Variants in DLG2 observed in about 807,000 individuals in gnomAD.
DLG2 encodes disks large homolog 2.
DLG2 carries 45 observed loss-of-function variants against 132.5 expected under a neutral mutation model. The ratio of observed to expected loss-of-function variants is 0.34; its 90% CI spans 0.27 to 0.44. DLG2 has a LOEUF of 0.44. Among genes scored for constraint, DLG2 ranks in the 20% least tolerant of loss-of-function variants. The pLI is 1.00. For missense variants in DLG2, 1,045 were observed against 1,196.9 expected (o/e 0.87, Z 1.87); for synonymous variants, 424 against 419.6 (o/e 1.01, Z -0.13).
intron 3 of DLG2, among the ~76,000 whole-genome samples, chr11:85,504,054 G>T (rs1158902863): frequency 6.6e-6 from 1 of 152,100 alleles, no homozygotes; most frequent in African/African-American, 2.4e-5. Context: ...TTTTTGAGGG[G>T]GATGTTTGAT....
intron 6 of DLG2, among the ~76,000 whole-genome samples, chr11:85,094,777 A>G (rs1158355508): frequency 2.6e-5 from 4 of 152,214 alleles, no homozygotes; most frequent in African/African-American, 4.8e-5. Context: ...TGCTTACTGG[A>G]GTAGCACTAT....
chr11:84,080,918 C>G (rs575473944), intron 10 of DLG2, among the ~76,000 whole-genome samples: 1 of 150,398 alleles, frequency 6.6e-6, no homozygotes, highest in Non-Finnish European at 1.5e-5. Context: ...CTTGAACCCA[C>G]GAGGCAGAGG....
At chr11:85,568,265 T>G (rs1449195181) in intron 3 of DLG2, among the ~76,000 whole-genome samples, 1 of 152,134 alleles carries the variant, frequency 6.6e-6, no homozygotes, top group Non-Finnish European at 1.5e-5. Context: ...TCCAACCACC[T>G]CAGCCTTCCA....
chr11:83,822,062 G>GA (rs925151487), intron 17 of DLG2, among the ~76,000 whole-genome samples: 16 of 152,058 alleles, frequency 1.1e-4, no homozygotes, highest in African/African-American at 3.9e-4. Context: ...TGTGAAAGAT[G>GA]AAAAAAATAC....
chr11:85,138,561 T>G (rs146314469), intron 5 of DLG2, among the ~76,000 whole-genome samples: 329 of 152,242 alleles, frequency 2.2e-3, no homozygotes, highest in Non-Finnish European at 3.9e-3. Flanking sequence ...TTTGGTTGTG[T>G]CCCCACCCAA....
intron 3 of DLG2, among the ~76,000 whole-genome samples, chr11:85,333,273 T>A (rs1347006904): frequency 6.6e-6 from 1 of 152,200 alleles, no homozygotes; most frequent in African/African-American, 2.4e-5. Context: ...ATGCTACTAA[T>A]TCCTGTACAT....
intron 6 of DLG2, among the ~76,000 whole-genome samples, chr11:84,819,925 G>A (rs1235487979): frequency 6.6e-6 from 1 of 151,570 alleles, no homozygotes; most frequent in Admixed American, 6.6e-5. Context: ...GTCTGGGTAA[G>A]TGTCCACATA....
chr11:83,881,294 A>C (rs2066198252), intron 15 of DLG2, among the ~76,000 whole-genome samples: 1 of 152,150 alleles, frequency 6.6e-6, no homozygotes, highest in Non-Finnish European at 1.5e-5. Context: ...TGTGACCTCA[A>C]ATGATTAAAA....
At chr11:85,241,656 C>G (rs2075885844) in intron 4 of DLG2, among the ~76,000 whole-genome samples, 1 of 151,878 alleles carries the variant, frequency 6.6e-6, no homozygotes, top group Non-Finnish European at 1.5e-5. Flanking sequence ...AGTCACATGA[C>G]TAAGATATTA....
At chr11:84,327,631 T>A (rs974470608) in intron 7 of DLG2, among the ~76,000 whole-genome samples, 7 of 152,182 alleles carry the variant, frequency 4.6e-5, no homozygotes, top group Non-Finnish European at 7.4e-5. Context: ...ACATAAGACA[T>A]CTTGCAGTTA....
chr11:85,264,841 G>A (rs1050775597), intron 4 of DLG2, among the ~76,000 whole-genome samples: 6 of 152,158 alleles, frequency 3.9e-5, no homozygotes, highest in South Asian at 4.1e-4. Context: ...TACTGACATT[G>A]AACTTCTGTT....
chr11:84,160,769 TA>T (rs2095529134), intron 9 of DLG2, among the ~76,000 whole-genome samples: 1 of 152,106 alleles, frequency 6.6e-6, no homozygotes, highest in African/African-American at 2.4e-5. Context: ...AGGTAACAAG[TA>T]AAAAGTTGGT....
At chr11:85,439,892 TA>T (rs2091691351) in intron 3 of DLG2, among the ~76,000 whole-genome samples, 1 of 152,140 alleles carries the variant, frequency 6.6e-6, no homozygotes, top group South Asian at 2.1e-4. Context: ...GAAGAGAATA[TA>T]AAGTATAGAT....
intron 3 of DLG2, among the ~76,000 whole-genome samples, chr11:85,493,438 T>C (rs1169754377): frequency 2.6e-5 from 4 of 152,168 alleles, no homozygotes; most frequent in Non-Finnish European, 5.9e-5. Flanking sequence ...TTTGACCTCA[T>C]CCAAAATAAC....
intron 8 of DLG2, among the ~76,000 whole-genome samples, chr11:84,224,101 T>C (rs1280243037): frequency 6.6e-6 from 1 of 152,200 alleles, no homozygotes; most frequent in Non-Finnish European, 1.5e-5. Flanking sequence ...TCCCACATTG[T>C]CTGTCCCCAC....
intron 7 of DLG2, among the ~76,000 whole-genome samples, chr11:84,514,109 A>T (rs948413945): frequency 1.3e-5 from 2 of 152,158 alleles, no homozygotes; most frequent in African/African-American, 4.8e-5. Flanking sequence ...ATCACCGATC[A>T]TCAGAGAAAT....
chr11:85,381,767 A>T (rs564920317), intron 3 of DLG2, among the ~76,000 whole-genome samples: 20 of 152,238 alleles, frequency 1.3e-4, no homozygotes, highest in East Asian at 1.2e-3. Context: ...ATTTTTTTTT[A>T]AATTATTAAT....
At chr11:83,935,246 G>A (rs2154134053) in intron 14 of DLG2, among the ~76,000 whole-genome samples, 1 of 152,270 alleles carries the variant, frequency 6.6e-6, no homozygotes, top group Non-Finnish European at 1.5e-5. Flanking sequence ...TTAAAAGGGT[G>A]CCTCATGCTC....
In DLG2 at chr11:85,203,685, T is replaced by G. The variant is rs561320440; in HGVS notation, c.187-49034A>C. ...GAAAAGAAAATACTTCCAAACTCATTGTATGAGGCCAGCATTACCCTAGTA... is the reference window on the plus strand; with the variant it reads ...GAAAAGAAAATACTTCCAAACTCATGGTATGAGGCCAGCATTACCCTAGTA... On this transcript the variant is annotated intron_variant, in intron 4 of 27. Transcript: ENST00000376104. Among the ~76,000 whole-genome samples, 27 of 152,194 alleles carry G rather than the reference T, an allele frequency of 1.8e-4. No homozygotes were observed. The South Asian group carries it at 5.2e-3, about 29-fold the overall frequency.
Sources: allele counts gnomAD v4.1 joint callset (sites outside exome capture counted in the v4.1 genomes callset), GRCh38; gene constraint gnomAD v4.1.1; transcripts MANE v1.5; gene names NCBI Gene and HGNC (gene_info 2026-07-23, HGNC 2026-07-21).